EFHD1: variants seen among roughly 807,000 people sequenced by gnomAD.
EFHD1 encodes EF-hand domain-containing protein D1.
Under a neutral mutation model 17.2 loss-of-function variants are expected in EFHD1, and 10 were observed. That is an observed-to-expected ratio of 0.58 (90% CI 0.36 to 0.99). The LOEUF (loss-of-function observed/expected upper bound fraction) is 0.99, where lower values mean the gene tolerates loss of function less well. EFHD1 is among the 50% of genes least tolerant of loss of function. The pLI is 0.01. For synonymous variants in EFHD1, 153 were observed against 142.0 expected (o/e 1.08, Z -0.55); for missense variants, 310 against 327.5 (o/e 0.95, Z 0.41).
upstream of EFHD1, among the ~76,000 whole-genome samples, chr2:232,629,033 C>T (rs76948518): frequency 0.042 from 6,429 of 152,224 alleles, 142 homozygotes; most frequent in South Asian, 0.082. Flanking sequence ...GGAGCCGGCA[C>T]GGATCCTGGG....
intron 1 of EFHD1, among the ~76,000 whole-genome samples, chr2:232,658,671 T>C (rs915876659): frequency 2.6e-5 from 4 of 152,160 alleles, no homozygotes; most frequent in African/African-American, 9.7e-5. Context: ...CAGTGGAATA[T>C]TGTTGGGCTA....
intron 2 of EFHD1, among the ~76,000 whole-genome samples, chr2:232,665,443 A>G (rs1694951748): frequency 1.3e-5 from 2 of 150,402 alleles, no homozygotes; most frequent in Non-Finnish European, 3.0e-5. Context: ...TTTTTTTGAG[A>G]CAGAGTCTCA....
chr2:232,615,887 T>C (rs892816073), intron 1 of EFHD1, among the ~76,000 whole-genome samples: 1 of 151,994 alleles, frequency 6.6e-6, no homozygotes, highest in Non-Finnish European at 1.5e-5. Context: ...GGGTTTCTTC[T>C]TGTTGGTCAG....
intron 2 of EFHD1, among the ~76,000 whole-genome samples, chr2:232,663,608 C>G (rs1157961235): frequency 6.6e-6 from 1 of 152,102 alleles, no homozygotes; most frequent in African/African-American, 2.4e-5. Context: ...TTCAAGTGAT[C>G]CTCTGCCTTG....
chr2:232,678,582 C>T (rs1300291880), intron 3 of EFHD1, among the ~76,000 whole-genome samples: 3 of 152,018 alleles, frequency 2.0e-5, no homozygotes, highest in East Asian at 2.0e-4. Context: ...GTGGAGAGTT[C>T]GAAACCAGCC....
In EFHD1 at chr2:232,647,643, C is replaced by CTTTTTTT. The variant is rs79776217; in HGVS notation, c.302+13641_302+13647dup. On this transcript the variant is annotated intron_variant, in intron 1 of 3. Transcript: ENST00000264059. ...GCCCCTCAGGACTCTCCTGTTAGAA[C>CTTTTTTT]TTTTTTTTTTGAGACGGAGTTTTGC... Among the ~76,000 whole-genome samples the CTTTTTTT allele has an allele frequency of 5.4e-4, 76 of 141,558 alleles. 3 individuals carry two copies. In the East Asian group the frequency reaches 6.1e-3, roughly 11 times the overall value. The allele number at this position is 141,558 out of a possible 152,430, so 92.9% of individuals were successfully genotyped here.
At chr2:232,637,208 T>G (rs796664384) in intron 1 of EFHD1, among the ~76,000 whole-genome samples, 18 of 152,184 alleles carry the variant, frequency 1.2e-4, no homozygotes, top group African/African-American at 4.1e-4. Context: ...ACTCCTTCTG[T>G]GCCTGTTTCC....
chr2:232,637,002 T>C (rs1694330476), intron 1 of EFHD1, among the ~76,000 whole-genome samples: 1 of 152,138 alleles, frequency 6.6e-6, no homozygotes, highest in Non-Finnish European at 1.5e-5. Flanking sequence ...TTCCGGGTTC[T>C]GCGGAAGGAA....
rs560739895 is a variant in EFHD1 at position 232,676,952 on chromosome 2, A to G, written c.585+4509A>G. On this transcript the variant is annotated intron_variant, in intron 3 of 3. Coordinates refer to ENST00000264059, the MANE Select transcript of EFHD1 (RefSeq NM_025202.4). ...GAGTTCAAGGTTGCAGTGAGCTATG[A>G]TCATACCACTGGACCACAGCCTGGG... Among the ~76,000 whole-genome samples, 12 of 152,180 alleles carry G rather than the reference A, an allele frequency of 7.9e-5. No homozygotes were observed. In the East Asian group the frequency reaches 2.3e-3, roughly 29 times the overall value.
chr2:232,644,971 A>C (rs1694501907), intron 1 of EFHD1, among the ~76,000 whole-genome samples: 1 of 135,560 alleles, frequency 7.4e-6, no homozygotes, highest in East Asian at 2.1e-4. Flanking sequence ...TTTGAGAGAT[A>C]GGTCTTACTA....
chr2:232,622,930 G>C (rs1694046233), intron 1 of EFHD1, among the ~76,000 whole-genome samples: 1 of 152,174 alleles, frequency 6.6e-6, no homozygotes, highest in South Asian at 2.1e-4. Context: ...GGATGATAAT[G>C]TTGGACATAT....
intron 1 of EFHD1, among the ~76,000 whole-genome samples, chr2:232,648,005 C>T (rs112128453): frequency 0.022 from 3,385 of 152,102 alleles, 134 homozygotes; most frequent in African/African-American, 0.077. Context: ...TTTGGGAGGC[C>T]GAGGCAAGAG....
intron 2 of EFHD1, among the ~76,000 whole-genome samples, chr2:232,665,491 G>T (rs1368430744): frequency 1.3e-5 from 2 of 151,644 alleles, no homozygotes; most frequent in Non-Finnish European, 2.9e-5. Context: ...GTGCAATCTC[G>T]GCTCAGTGCA....
intron 1 of EFHD1, among the ~76,000 whole-genome samples, chr2:232,614,931 G>A (rs145184699): frequency 0.018 from 2,807 of 152,194 alleles, 93 homozygotes; most frequent in African/African-American, 0.065. Flanking sequence ...AGCCGGGATT[G>A]CGCCACTGCA....
intron 1 of EFHD1, among the ~76,000 whole-genome samples, chr2:232,661,431 G>A (rs1214525919): frequency 6.6e-6 from 1 of 152,122 alleles, no homozygotes; most frequent in Non-Finnish European, 1.5e-5. Context: ...TGGCTGGCTT[G>A]TTTCACTTAG....
chr2:232,635,721 A>G (rs181797428), intron 1 of EFHD1, among the ~76,000 whole-genome samples: 1,961 of 152,118 alleles, frequency 0.013, 17 homozygotes, highest in South Asian at 0.021. Flanking sequence ...CGGGAGGCTG[A>G]GGTGGGAGAA....
intron 1 of EFHD1, chr2:232,662,041 C>T (rs766699461): frequency 3.3e-5 from 5 of 152,676 alleles, no homozygotes; most frequent in Middle Eastern, 3.4e-3. Flanking sequence ...TGGAGAAATC[C>T]TGTAATGGGG....
intron 1 of EFHD1, chr2:232,606,211 C>G: frequency 1.3e-6 from 2 of 1,549,112 alleles, no homozygotes; most frequent in Non-Finnish European, 1.7e-6. Flanking sequence ...CCTTGAGAGT[C>G]TACGATTTTC....
intron 1 of EFHD1, among the ~76,000 whole-genome samples, chr2:232,619,143 A>C (rs1693977671): frequency 6.7e-6 from 1 of 149,432 alleles, no homozygotes; most frequent in Non-Finnish European, 1.5e-5. Context: ...ACAAGAGCAA[A>C]ACTCCATCTC....
Sources: allele counts gnomAD v4.1 joint callset (sites outside exome capture counted in the v4.1 genomes callset), GRCh38; gene constraint gnomAD v4.1.1; transcripts MANE v1.5; gene names NCBI Gene and HGNC (gene_info 2026-07-23, HGNC 2026-07-21).